Variants in GAS7 observed in about 807,000 individuals in gnomAD.
The protein encoded by GAS7 is growth arrest specific 7.
GAS7 carries 28 observed loss-of-function variants against 71.1 expected under a neutral mutation model. The ratio of observed to expected loss-of-function variants is 0.39; its 90% CI spans 0.29 to 0.54. The LOEUF (loss-of-function observed/expected upper bound fraction) is 0.54. Among genes scored for constraint, GAS7 ranks in the 20% least tolerant of loss-of-function variants. The pLI, the probability that GAS7 is intolerant of heterozygous loss-of-function variation, is 0.62. For synonymous variants in GAS7, 258 were observed against 245.8 expected, an observed-to-expected ratio of 1.05 and a Z score of -0.46; for missense variants, 436 against 627.8, an observed-to-expected ratio of 0.69 and a Z score of 3.27.
intron 3 of GAS7, among the ~76,000 whole-genome samples, chr17:9,979,721 G>A (rs62064557): frequency 0.039 from 6,001 of 152,152 alleles, 144 homozygotes; most frequent in Middle Eastern, 0.078. Flanking sequence ...TCCCTCTGCC[G>A]GCCTCCCTGT....
intron 8 of GAS7, among the ~76,000 whole-genome samples, chr17:9,936,264 C>G (rs1008173350): frequency 6.6e-6 from 1 of 152,138 alleles, no homozygotes; most frequent in Non-Finnish European, 1.5e-5. Flanking sequence ...TGCAGCTGAG[C>G]CACACACAGC....
intron 4 of GAS7, among the ~76,000 whole-genome samples, chr17:9,967,104 A>G (rs1415603838): frequency 6.6e-6 from 1 of 151,228 alleles, no homozygotes; most frequent in Non-Finnish European, 1.5e-5. Flanking sequence ...GGCAGCCACT[A>G]TCTACCCGGG....
intron 8 of GAS7, among the ~76,000 whole-genome samples, chr17:9,936,441 T>C (rs1264143335): frequency 2.0e-5 from 3 of 152,102 alleles, no homozygotes; most frequent in Middle Eastern, 3.2e-3. Flanking sequence ...GAGAATGTCA[T>C]CTCTGGGCAA....
intron 13 of GAS7, 83 bp from the exon 14 acceptor site, chr17:9,917,424 CT>C: frequency 1.1e-6 from 1 of 935,954 alleles, no homozygotes; most frequent in Non-Finnish European, 1.7e-6. Context: ...CTGTCCTCAC[CT>C]TAGTGTCTCT....
intron 1 of GAS7, among the ~76,000 whole-genome samples, chr17:10,055,426 A>C (rs1369494636): frequency 6.6e-6 from 1 of 152,178 alleles, no homozygotes; most frequent in Non-Finnish European, 1.5e-5. Context: ...GGCGGACCTC[A>C]GGCCCTGGCC....
rs371236240 is a variant in GAS7 at position 9,949,086 on chromosome 17, A to T, written c.526-2103T>A. Among the ~76,000 whole-genome samples the T allele has an allele frequency of 3.7e-4, 57 of 152,172 alleles. 1 individual carries two copies. In the East Asian group the frequency reaches 0.01, roughly 27 times the overall value. On this transcript the variant is annotated intron_variant, in intron 5 of 13. Transcript: ENST00000432992. Reference sequence around the variant, plus strand: ...CTGCAGCTGGGACAGGAGGGCGGACAGCGTCACAGAAACTGCAGCTGGGAT... The same window carrying T: ...CTGCAGCTGGGACAGGAGGGCGGACTGCGTCACAGAAACTGCAGCTGGGAT...
intron 1 of GAS7, among the ~76,000 whole-genome samples, chr17:10,130,363 A>C (rs2073987666): frequency 6.6e-6 from 1 of 151,746 alleles, no homozygotes; most frequent in African/African-American, 2.4e-5. Flanking sequence ...GATAATTACC[A>C]ATGTTGGCAA....
intron 1 of GAS7, among the ~76,000 whole-genome samples, chr17:10,102,117 AAAC>A (rs2073707021): frequency 6.6e-6 from 1 of 151,514 alleles, no homozygotes; most frequent in Non-Finnish European, 1.5e-5. Flanking sequence ...TCAAGGAAGA[AAAC>A]AAACCAGATC....
chr17:9,983,965 C>G (rs1462553869), intron 2 of GAS7, among the ~76,000 whole-genome samples: 1 of 152,146 alleles, frequency 6.6e-6, no homozygotes, highest in Admixed American at 6.5e-5. Context: ...GCTACTTATT[C>G]TCTGTGACTC....
chr17:10,159,065 C>CATATATATATATATGTATATAT (rs2074229262), intron 1 of GAS7, among the ~76,000 whole-genome samples: 4 of 60,014 alleles, frequency 6.7e-5, no homozygotes, highest in Non-Finnish European at 8.8e-5. Context: ...GTCTCTAAAA[C>CATATATATATATATGTATATAT]ATATATATAT....
At chr17:10,062,074 C>T (rs1052905901) in intron 1 of GAS7, among the ~76,000 whole-genome samples, 1 of 152,188 alleles carries the variant, frequency 6.6e-6, no homozygotes, top group Non-Finnish European at 1.5e-5. Context: ...AGTTGGTTCC[C>T]GGTGCCCCCG....
intron 5 of GAS7, among the ~76,000 whole-genome samples, chr17:9,958,444 C>T (rs775986822): frequency 6.6e-5 from 10 of 152,216 alleles, no homozygotes; most frequent in Non-Finnish European, 8.8e-5. Flanking sequence ...CAGGGGTGGT[C>T]GGAATGGCTC....
rs368893766 is a variant in GAS7 at position 9,959,181 on chromosome 17, C to G, written c.525+21G>C. ...CCCAGCTCGCAGCCCACCCTGAGGG[C>G]GCCCCTCGGGAGCCACTTACTGTGA... is the stretch of plus-strand genomic sequence containing the variant. On this transcript the variant is annotated intron_variant, in intron 5 of 13. Transcript: ENST00000432992. The surrounding 1 kb of genome is among the most constrained non-coding windows in gnomAD (Gnocchi z 5.0). 3 of 1,611,434 alleles carry G rather than the reference C, an allele frequency of 1.9e-6. No homozygotes were observed. The highest frequency in any genetic ancestry group is 2.5e-6 in the Non-Finnish European group (3 of 1,178,410).
At chr17:9,956,364 G>T (rs908658327) in intron 5 of GAS7, among the ~76,000 whole-genome samples, 3 of 152,156 alleles carry the variant, frequency 2.0e-5, no homozygotes, top group Admixed American at 6.5e-5. Context: ...TTCACCTCCA[G>T]CCCCTACCCC....
intron 5 of GAS7, among the ~76,000 whole-genome samples, chr17:9,951,780 A>AAAAAAAAAC (rs1567814280): frequency 7.0e-6 from 1 of 141,940 alleles, no homozygotes; most frequent in Admixed American, 6.9e-5. Flanking sequence ...AAAAAAAAAA[A>AAAAAAAAAC]AAAAAACAAG....
chr17:9,996,374 G>A (rs901401798), intron 2 of GAS7, among the ~76,000 whole-genome samples: 25 of 146,834 alleles, frequency 1.7e-4, no homozygotes, highest in African/African-American at 6.3e-4. Context: ...TGAACAATGA[G>A]AACACAGGGA....
At chr17:10,160,419 G>A (rs574603411) in intron 1 of GAS7, among the ~76,000 whole-genome samples, 8 of 152,202 alleles carry the variant, frequency 5.3e-5, no homozygotes, top group African/African-American at 1.4e-4. Context: ...AGCTAAAAGC[G>A]ACTTCGAAGA....
At chr17:10,091,754 T>G (rs1440950318) in intron 1 of GAS7, among the ~76,000 whole-genome samples, 1 of 152,068 alleles carries the variant, frequency 6.6e-6, no homozygotes. Context: ...CCATCTCGGC[T>G]CACTGCAGCC....
At chr17:10,025,962 C>G (rs2072448561) in intron 1 of GAS7, among the ~76,000 whole-genome samples, 1 of 152,166 alleles carries the variant, frequency 6.6e-6, no homozygotes, top group African/African-American at 2.4e-5. Flanking sequence ...TCCATTGCCC[C>G]AAACCCTTCA....
Sources: gnomAD v4.1 joint callset for allele counts (sites outside exome capture counted in the v4.1 genomes callset) on GRCh38, gnomAD v4.1.1 for gene constraint, Gnocchi (gnomAD v3.1) non-coding constraint, MANE v1.5 for transcripts, NCBI Gene and HGNC (gene_info 2026-07-23, HGNC 2026-07-21) for gene names.